PTPN21: variants seen among roughly 807,000 people sequenced by gnomAD.
The protein encoded by PTPN21 is protein tyrosine phosphatase non-receptor type 21, also known as tyrosine-protein phosphatase non-receptor type 21.
PTPN21 carries 77 observed loss-of-function variants against 131.8 expected under a neutral mutation model. That is an observed-to-expected ratio of 0.58 (90% confidence interval 0.49 to 0.71). PTPN21 has a LOEUF of 0.71. PTPN21 is among the 30% of genes least tolerant of loss of function. The probability of loss-of-function intolerance (pLI) is 0.00; values close to 1 mark genes in which losing one functional copy is unlikely to be tolerated. For synonymous variants in PTPN21, 715 were observed against 621.3 expected (o/e 1.15, Z -2.24); for missense variants, 1,552 against 1,527.1 (o/e 1.02, Z -0.27).
At chr14:88,521,346 TATA>T (rs945472425) in intron 2 of PTPN21, among the ~76,000 whole-genome samples, 2 of 152,158 alleles carry the variant, frequency 1.3e-5, no homozygotes, top group African/African-American at 4.8e-5. Context: ...ACATTCGGTC[TATA>T]ATGCCAGATT....
intron 2 of PTPN21, among the ~76,000 whole-genome samples, chr14:88,531,573 A>G (rs988244438): frequency 1.3e-5 from 2 of 152,118 alleles, no homozygotes; most frequent in East Asian, 3.9e-4. Flanking sequence ...ACAAACAAAC[A>G]AAAAACCTCT....
intron 2 of PTPN21, among the ~76,000 whole-genome samples, chr14:88,524,483 A>C (rs2078445579): frequency 6.6e-6 from 1 of 152,148 alleles, no homozygotes; most frequent in South Asian, 2.1e-4. Context: ...AAATATAAGA[A>C]GCGACCCGTA....
rs575102975 is a variant in PTPN21 at position 88,534,882 on chromosome 14, A to C, written c.180+15356T>G. On this transcript the variant is annotated intron_variant, in intron 2 of 18. Transcript: ENST00000556564. ...ACAGAGTGAGACTCTGTCTTAAAAA[A>C]TTAAAAAATTGTGATATATTTAATG... 2.6e-5 allele frequency among the ~76,000 whole-genome samples: 4 copies of C among 152,252 alleles called. No individual in the cohort carries two copies. The East Asian group carries it at 7.7e-4, about 29-fold the overall frequency.
intron 13 of PTPN21, among the ~76,000 whole-genome samples, chr14:88,476,407 A>G (rs1192489785): frequency 6.6e-6 from 1 of 152,196 alleles, no homozygotes; most frequent in Non-Finnish European, 1.5e-5. Context: ...TCTCATTTAC[A>G]AATGTAAAAA....
At chr14:88,518,408 ATATATATTTTTTTT>A (rs1363845348) in intron 2 of PTPN21, among the ~76,000 whole-genome samples, 4 of 18,516 alleles carry the variant, frequency 2.2e-4, no homozygotes, top group African/African-American at 2.7e-4. Flanking sequence ...ATATATATAT[ATATATATTTTTTTT>A]TTTTTTTTTT....
chr14:88,511,363 A>T (rs918040151), intron 3 of PTPN21, among the ~76,000 whole-genome samples: 17 of 152,198 alleles, frequency 1.1e-4, no homozygotes, highest in Admixed American at 2.0e-4. Flanking sequence ...AAGATGGCTT[A>T]TAAATATGTT....
intron 2 of PTPN21, among the ~76,000 whole-genome samples, chr14:88,549,019 C>A (rs1248848106): frequency 2.0e-5 from 3 of 152,118 alleles, no homozygotes; most frequent in Non-Finnish European, 2.9e-5. Context: ...CATAACTTGC[C>A]CAAGGTAACA....
chr14:88,554,082 G>A (rs565173567), intron 1 of PTPN21, among the ~76,000 whole-genome samples: 49 of 152,298 alleles, frequency 3.2e-4, no homozygotes, highest in Non-Finnish European at 5.1e-4. Flanking sequence ...GTTGTCACTT[G>A]GAGCACACGA....
intron 3 of PTPN21, among the ~76,000 whole-genome samples, chr14:88,516,388 T>G (rs1420804109): frequency 6.6e-6 from 1 of 152,132 alleles, no homozygotes; most frequent in Non-Finnish European, 1.5e-5. Context: ...TACTTCATTT[T>G]TGAACATATT....
intron 2 of PTPN21, among the ~76,000 whole-genome samples, chr14:88,520,977 A>G (rs1214030498): frequency 2.6e-5 from 4 of 152,038 alleles, no homozygotes; most frequent in South Asian, 2.1e-4. Flanking sequence ...CTAAGTAGCT[A>G]GACAACAGGT....
In PTPN21 at chr14:88,479,117, T is replaced by A; in HGVS notation, c.2314A>T (p.Met772Leu). The A allele has an allele frequency of 6.4e-7, 1 of 1,562,604 alleles. No individual in the cohort carries two copies. Among genetic ancestry groups the A allele is most frequent in the Non-Finnish European group, 8.6e-7 (1 of 1,156,192 alleles). The change falls in exon 13 of 19, where the codon ATG becomes TTG. Residue 772 changes from methionine to leucine, a missense_variant. Physicochemically the swap from Met to Leu is conservative, Grantham distance 15. Around this residue, in one of 4 missense-constraint regions of PTPN21, gnomAD observed 1,016 missense variants for 883.5 expected, o/e 1.15. Transcript: ENST00000556564. ...AHVPDAEKRMMDSSPVRTTAE... is the reference protein window; with the variant it reads ...AHVPDAEKRMLDSSPVRTTAE... The stretch of plus-strand genomic sequence containing the variant: ...GTCGTGCGGACGGGGCTGCTGTCCA[T>A]CATCCTCTTCTCCGCGTCTGGGACG...
intron 15 of PTPN21, among the ~76,000 whole-genome samples, chr14:88,471,355 C>T (rs1461017256): frequency 6.6e-6 from 1 of 152,190 alleles, no homozygotes; most frequent in Non-Finnish European, 1.5e-5. Flanking sequence ...GAAGAGGGAA[C>T]ATCTGGCTTT....
chr14:88,493,253 T>C (rs1399997268), intron 10 of PTPN21: 2 of 331,124 alleles, frequency 6.0e-6, no homozygotes, highest in African/African-American at 4.4e-5. Context: ...CAGGTCATTG[T>C]TATAAAAGAG....
rs967827240 is a variant in PTPN21, at chr14:88,466,045, A to C, written c.*2092T>G. 1.3e-5 allele frequency: 2 copies of C among 151,930 alleles called. No homozygotes were observed. Among genetic ancestry groups the C allele is most frequent in the African/African-American group, 4.8e-5 (2 of 41,322 alleles). 9.4% of individuals were successfully genotyped at this position (151,930 alleles called of 1,614,324 possible). ...ACTGTTTGTTTAAACCTGACAGAAA[A>C]GCATTTTCACAAAAACGTACCATGG... On this transcript the variant is annotated 3_prime_UTR_variant, in exon 19 of 19. Coordinates refer to ENST00000556564, the MANE Select transcript of PTPN21 (RefSeq NM_007039.4).
In PTPN21 at chr14:88,480,296, C is replaced by G. The variant is rs1023164571; in HGVS notation, c.1135G>C (p.Asp379His). ...GYYCHSQTSL[D>H]RAQIDLNGRI... ...CCGTTGAGGTCAATCTGGGCTCTAT[C>G]CAAGCTTGTCTGAGAGTGACAGTAG... The change falls in exon 13 of 19, where the codon GAT becomes CAT. Residue 379 changes from aspartate (D) to histidine (H), a missense_variant. This residue lies in a region of PTPN21 where 1,016 missense variants were observed against 883.5 expected (regional missense o/e 1.15). Coordinates refer to ENST00000556564, the MANE Select transcript of PTPN21 (RefSeq NM_007039.4). 4.3e-6 allele frequency: 7 copies of G among 1,614,150 alleles called. No homozygotes were observed. Among genetic ancestry groups the G allele is most frequent in the Non-Finnish European group, 5.1e-6 (6 of 1,180,038 alleles).
At chr14:88,551,440 C>A (rs2078867047) in intron 1 of PTPN21, 1 of 152,242 alleles carries the variant, frequency 6.6e-6, no homozygotes, top group East Asian at 1.9e-4. Flanking sequence ...CCCGGCTTCT[C>A]CCGCGTCCTC....
chr14:88,504,536 C>A, intron 5 of PTPN21, 41 bp from the exon 6 acceptor site: 3 of 1,512,092 alleles, frequency 2.0e-6, no homozygotes, highest in Non-Finnish European at 9.2e-7. Context: ...ACAATTCACC[C>A]CAATTTCTTA....
At chr14:88,524,761 T>G (rs934739428) in intron 2 of PTPN21, among the ~76,000 whole-genome samples, 3 of 151,894 alleles carry the variant, frequency 2.0e-5, no homozygotes, top group Non-Finnish European at 4.4e-5. Flanking sequence ...TAAAGTTAGC[T>G]GGGTGTGGTG....
chr14:88,478,329 T>C (rs540478612), intron 13 of PTPN21, among the ~76,000 whole-genome samples: 1 of 152,342 alleles, frequency 6.6e-6, no homozygotes, highest in South Asian at 2.1e-4. Context: ...TTCATCTTTC[T>C]TTTAAATTTA....
Sources: allele counts gnomAD v4.1 joint callset (sites outside exome capture counted in the v4.1 genomes callset), GRCh38; gene constraint gnomAD v4.1.1; regional missense constraint gnomAD v4.1.1; transcripts MANE v1.5; gene names NCBI Gene and HGNC (gene_info 2026-07-23, HGNC 2026-07-21).